NCKAP5: variants seen among roughly 807,000 people sequenced by gnomAD.
The protein encoded by NCKAP5 is NCK associated protein 5.
In NCKAP5, 92 loss-of-function variants were observed where a neutral mutation model predicts 167.0. The observed-to-expected ratio is 0.55, with a 90% CI of 0.47 to 0.66. NCKAP5 has a LOEUF of 0.66. Ranked by LOEUF, NCKAP5 falls within the 30% of genes least tolerant of loss-of-function variation. The pLI is 0.00. For missense variants in NCKAP5, 2,378 were observed against 2,315.0 expected, an observed-to-expected ratio of 1.03 and a Z score of -0.56; for synonymous variants, 891 against 877.4, an observed-to-expected ratio of 1.02 and a Z score of -0.27.
At chr2:133,477,537 C>A (rs1228541795) in intron 3 of NCKAP5, among the ~76,000 whole-genome samples, 2 of 152,106 alleles carry the variant, frequency 1.3e-5, no homozygotes, top group African/African-American at 2.4e-5. Context: ...CAAGTAGAAC[C>A]CAACCCTATA....
At chr2:133,296,564 AT>A (rs1679975795) in intron 4 of NCKAP5, among the ~76,000 whole-genome samples, 1 of 152,222 alleles carries the variant, frequency 6.6e-6, no homozygotes, top group African/African-American at 2.4e-5. Flanking sequence ...TGACATTTGT[AT>A]TATGTAGCTG....
At chr2:133,166,917 C>A (rs896978366) in intron 5 of NCKAP5, among the ~76,000 whole-genome samples, 1 of 152,186 alleles carries the variant, frequency 6.6e-6, no homozygotes. Context: ...GGTTTATGAT[C>A]AGCAGGCTAC....
chr2:133,373,595 T>C (rs1685947325), intron 3 of NCKAP5, among the ~76,000 whole-genome samples: 1 of 152,212 alleles, frequency 6.6e-6, no homozygotes, highest in African/African-American at 2.4e-5. Flanking sequence ...CCAAAGACCC[T>C]GAATAGTGAA....
chr2:133,362,105 G>A (rs1056866909), intron 3 of NCKAP5, among the ~76,000 whole-genome samples: 2 of 152,110 alleles, frequency 1.3e-5, no homozygotes, highest in Non-Finnish European at 2.9e-5. Flanking sequence ...GCTGTGTTTC[G>A]AGCCATATGA....
intron 3 of NCKAP5, among the ~76,000 whole-genome samples, chr2:133,314,700 T>C (rs1222447089): frequency 6.6e-6 from 1 of 152,220 alleles, no homozygotes; most frequent in African/African-American, 2.4e-5. Flanking sequence ...CAGGCAAGTC[T>C]CTGCCTGCAT....
the NCKAP5 span, among the ~76,000 whole-genome samples, chr2:133,660,935 C>T: frequency 9.5e-5 from 14 of 147,488 alleles, no homozygotes; most frequent in East Asian, 1.6e-3. Flanking sequence ...CCAGTCGCCA[C>T]GCATATATTT....
chr2:133,013,059 T>C (rs184310938), intron 6 of NCKAP5, among the ~76,000 whole-genome samples: 11 of 152,196 alleles, frequency 7.2e-5, no homozygotes, highest in African/African-American at 2.7e-4. Context: ...GTATAAAGCC[T>C]GGGAACTGCA....
At chr2:133,287,837 C>G (rs1574609800) in intron 4 of NCKAP5, among the ~76,000 whole-genome samples, 1 of 152,042 alleles carries the variant, frequency 6.6e-6, no homozygotes, top group Admixed American at 6.6e-5. Context: ...GAGAGAGAGG[C>G]CACAAAGGAG....
At chr2:133,530,901 C>G (rs1685308233) in intron 2 of NCKAP5, among the ~76,000 whole-genome samples, 1 of 152,174 alleles carries the variant, frequency 6.6e-6, no homozygotes, top group Non-Finnish European at 1.5e-5. Context: ...GTCAAGGCCA[C>G]TGTGAACCCA....
At chr2:133,601,728 A>G in the NCKAP5 span, among the ~76,000 whole-genome samples, 2 of 152,080 alleles carry the variant, frequency 1.3e-5, no homozygotes, top group African/African-American at 4.8e-5. Flanking sequence ...GCAGGACTCA[A>G]TAAATAAATA....
At chr2:132,746,591 G>A (rs570349838) in intron 16 of NCKAP5, among the ~76,000 whole-genome samples, 13 of 152,008 alleles carry the variant, frequency 8.6e-5, no homozygotes, top group South Asian at 8.4e-4. Flanking sequence ...AAAATAAAAC[G>A]CAAGCAACAT....
chr2:133,352,998 T>C (rs998285075), intron 3 of NCKAP5, among the ~76,000 whole-genome samples: 3 of 152,206 alleles, frequency 2.0e-5, no homozygotes, highest in African/African-American at 7.2e-5. Flanking sequence ...TGCAAGCTTG[T>C]CTTGTTAGAA....
At chr2:133,660,900 A>T in the NCKAP5 span, among the ~76,000 whole-genome samples, 1 of 151,904 alleles carries the variant, frequency 6.6e-6, no homozygotes. Context: ...TTCTAAGTGT[A>T]GAAAACCTGA....
chr2:132,775,962 C>T (rs1274125298), intron 15 of NCKAP5, among the ~76,000 whole-genome samples: 1 of 152,122 alleles, frequency 6.6e-6, no homozygotes, highest in Non-Finnish European at 1.5e-5. Flanking sequence ...TCTCTGCTGG[C>T]CTGTGAAATT....
At chr2:133,245,993 G>A (rs1258934978) in intron 4 of NCKAP5, among the ~76,000 whole-genome samples, 3 of 151,980 alleles carry the variant, frequency 2.0e-5, no homozygotes, top group Non-Finnish European at 1.5e-5. Context: ...TGCAACAGCT[G>A]TGCTGTGGGG....
In NCKAP5 at chr2:132,759,929, A is replaced by G. The variant is rs544482829; in HGVS notation, c.5128+13887T>C. 2.0e-5 allele frequency among the ~76,000 whole-genome samples: 3 copies of G among 151,426 alleles called. No individual in the cohort carries two copies. In the South Asian group the frequency reaches 6.3e-4, roughly 32 times the overall value. On this transcript the variant is annotated intron_variant, in intron 16 of 19. Coordinates refer to ENST00000409261, the MANE Select transcript of NCKAP5 (RefSeq NM_207363.3). ...TTTGTGTTTCTCCTCCTTACTATTT[A>G]ACTTTCCCCCTACTTTTTCTACTAG...
the NCKAP5 span, among the ~76,000 whole-genome samples, chr2:133,623,090 C>T: frequency 6.6e-6 from 1 of 152,146 alleles, no homozygotes; most frequent in Non-Finnish European, 1.5e-5. Context: ...AGATAATTGG[C>T]AAGCCAAATG....
chr2:133,031,723 G>T (rs922764999), intron 6 of NCKAP5, among the ~76,000 whole-genome samples: 11 of 152,170 alleles, frequency 7.2e-5, no homozygotes, highest in Admixed American at 5.9e-4. Flanking sequence ...TACTTGAGGA[G>T]AGGAGAGGGA....
chr2:133,446,814 A>C lies in NCKAP5; in HGVS notation c.69+70644T>G, dbSNP rs550515195. Among the ~76,000 whole-genome samples the C allele has an allele frequency of 2.0e-5, 3 of 152,292 alleles. No homozygotes were observed. In the East Asian group the frequency reaches 5.8e-4, roughly 29 times the overall value. On this transcript the variant is annotated intron_variant, in intron 3 of 19. Coordinates refer to ENST00000409261, the MANE Select transcript of NCKAP5 (RefSeq NM_207363.3). Reference sequence around the variant, plus strand: ...CAACCATGGGAGAGAGGGGAGAGGCAGGAAGAAGAGGTGAGAAGTGAGGGG... The same window carrying C: ...CAACCATGGGAGAGAGGGGAGAGGCCGGAAGAAGAGGTGAGAAGTGAGGGG...
Sources: gnomAD v4.1 joint callset for allele counts (sites outside exome capture counted in the v4.1 genomes callset) on GRCh38, gnomAD v4.1.1 for gene constraint, MANE v1.5 for transcripts, NCBI Gene and HGNC (gene_info 2026-07-23, HGNC 2026-07-21) for gene names.